Variants in GRIA1 observed in about 807,000 individuals in gnomAD.
The protein encoded by GRIA1 is glutamate receptor 1.
GRIA1 carries 31 observed loss-of-function variants against 99.2 expected under a neutral mutation model. The ratio of observed to expected loss-of-function variants is 0.31; its 90% CI spans 0.23 to 0.42. GRIA1 has a LOEUF of 0.42. GRIA1 is among the 10% of genes least tolerant of loss of function. The pLI is 1.00. For missense variants in GRIA1, 782 were observed against 1,157.5 expected, an observed-to-expected ratio of 0.68 and a Z score of 4.71; for synonymous variants, 438 against 432.4, an observed-to-expected ratio of 1.01 and a Z score of -0.16.
At position 153,542,236 on chromosome 5, in the gene GRIA1, C is replaced by T. The variant is rs572917256; in HGVS notation, c.220+48171C>T. On this transcript the variant is annotated intron_variant, in intron 2 of 15. Transcript: ENST00000285900. Reference sequence around the variant, plus strand: ...CCAGAAGGATATCCAAAGACAAACTCATTGTCTATAACACCAAGAGATAGA... The same window carrying T: ...CCAGAAGGATATCCAAAGACAAACTTATTGTCTATAACACCAAGAGATAGA... Among the ~76,000 whole-genome samples, 8 of 152,310 alleles carry T rather than the reference C, an allele frequency of 5.3e-5. No individual in the cohort carries two copies. The East Asian group carries it at 1.5e-3, about 29-fold the overall frequency.
At chr5:153,776,637 C>A (rs984688414) in intron 13 of GRIA1, among the ~76,000 whole-genome samples, 1 of 152,230 alleles carries the variant, frequency 6.6e-6, no homozygotes, top group Admixed American at 6.5e-5. Flanking sequence ...TTTAGCCTCA[C>A]TGGCATTCCC....
chr5:153,527,846 T>G (rs1244332664), intron 2 of GRIA1, among the ~76,000 whole-genome samples: 1 of 152,268 alleles, frequency 6.6e-6, no homozygotes, highest in African/African-American at 2.4e-5. Context: ...CTCAGTTCTG[T>G]GAGCAATTGC....
At chr5:153,626,696 C>T (rs1016096245) in intron 2 of GRIA1, among the ~76,000 whole-genome samples, 1 of 152,090 alleles carries the variant, frequency 6.6e-6, no homozygotes, top group Non-Finnish European at 1.5e-5. Context: ...GAAATAACAT[C>T]TCAGCACTGT....
intron 2 of GRIA1, among the ~76,000 whole-genome samples, chr5:153,580,010 A>G (rs1196148863): frequency 6.6e-6 from 1 of 152,186 alleles, no homozygotes; most frequent in East Asian, 1.9e-4. Context: ...CTCATGTCAC[A>G]TACAGGGAAA....
intron 2 of GRIA1, among the ~76,000 whole-genome samples, chr5:153,586,070 G>A (rs1763460045): frequency 6.6e-6 from 1 of 152,000 alleles, no homozygotes; most frequent in African/African-American, 2.4e-5. Flanking sequence ...TGATGTCACT[G>A]AATGAGAAGT....
intron 4 of GRIA1, among the ~76,000 whole-genome samples, chr5:153,655,157 A>G (rs2149463804): frequency 6.6e-6 from 1 of 152,330 alleles, no homozygotes; most frequent in South Asian, 2.1e-4. Context: ...TTGACTTCCT[A>G]TCTGTACAGT....
intron 2 of GRIA1, among the ~76,000 whole-genome samples, chr5:153,546,802 A>C (rs1759655927): frequency 6.6e-6 from 1 of 152,190 alleles, no homozygotes; most frequent in African/African-American, 2.4e-5. Flanking sequence ...CAGCACTTGG[A>C]CCAGTGCCTT....
chr5:153,663,513 C>T (rs1458379423), intron 5 of GRIA1, among the ~76,000 whole-genome samples: 1 of 152,202 alleles, frequency 6.6e-6, no homozygotes, highest in African/African-American at 2.4e-5. Context: ...TGTACCTCAG[C>T]TGTCTCACCT....
At chr5:153,740,454 C>G (rs1761700340) in intron 11 of GRIA1, among the ~76,000 whole-genome samples, 1 of 152,206 alleles carries the variant, frequency 6.6e-6, no homozygotes, top group Non-Finnish European at 1.5e-5. Flanking sequence ...TTCATAGTCA[C>G]AGCAGGGACG....
intron 11 of GRIA1, among the ~76,000 whole-genome samples, chr5:153,717,752 A>G (rs1759769166): frequency 6.6e-6 from 1 of 152,194 alleles, no homozygotes. Flanking sequence ...GTTAAGACTT[A>G]GTCCACCATG....
chr5:153,811,190 A>G lies in GRIA1; in HGVS notation c.2686A>G (p.Ser896Gly). ...GCAATCGATTCCTTGCATGAGCCAC[A>G]GTTCAGGGATGCCCTTGGGAGCCAC... ...SMQSIPCMSH[S>G]SGMPLGATGL Residue 896 changes from serine to glycine, a missense_variant, in exon 16 of 16, where the codon AGT becomes GGT. Ser to Gly is a moderately conservative substitution (Grantham distance 56). Transcript: ENST00000285900. 6.2e-7 allele frequency: 1 copy of G among 1,614,144 alleles called. No homozygotes were observed.
At chr5:153,605,465 T>G (rs1449344782) in intron 2 of GRIA1, among the ~76,000 whole-genome samples, 1 of 152,216 alleles carries the variant, frequency 6.6e-6, no homozygotes, top group Non-Finnish European at 1.5e-5. Context: ...TAAATATTCT[T>G]GTATATGTGT....
At chr5:153,545,956 T>A (rs561726013) in intron 2 of GRIA1, among the ~76,000 whole-genome samples, 2 of 152,294 alleles carry the variant, frequency 1.3e-5, no homozygotes, top group East Asian at 3.9e-4. Flanking sequence ...TCCTGAAACA[T>A]GTTCAATTTT....
At position 153,738,707 on chromosome 5, in the gene GRIA1, A is replaced by G. The variant is rs140980502; in HGVS notation, c.1824-25727A>G. ...TGGGCTCCTATAATGTTGCGTGTTC[A>G]TCTCCATACCTTCTTTTTTTTTTTT... is the stretch of plus-strand genomic sequence containing the variant. On this transcript the variant is annotated intron_variant, in intron 11 of 15. Coordinates refer to ENST00000285900, the MANE Select transcript of GRIA1 (RefSeq NM_000827.4). 9.7e-3 allele frequency among the ~76,000 whole-genome samples: 1,281 copies of G among 132,300 alleles called. 10 individuals carry two copies. The highest frequency in any genetic ancestry group is 0.019 in the Middle Eastern group (4 of 214). The allele number at this position is 132,300 out of a possible 152,430, so 86.8% of individuals were successfully genotyped here. A position where few individuals can be genotyped will look rare whatever the true frequency, so the allele number is the denominator to read the frequency against.
At chr5:153,751,487 T>C (rs1474261804) in intron 11 of GRIA1, among the ~76,000 whole-genome samples, 1 of 152,278 alleles carries the variant, frequency 6.6e-6, no homozygotes, top group Admixed American at 6.5e-5. Flanking sequence ...CAAGTGTTAC[T>C]GGAACACAGC....
chr5:153,698,792 T>A, intron 9 of GRIA1, 75 bp from the exon 10 acceptor site: 1 of 920,358 alleles, frequency 1.1e-6, no homozygotes. Context: ...CATGATATTA[T>A]GCTATGCCAA....
chr5:153,735,264 G>T (rs2149565003), intron 11 of GRIA1, among the ~76,000 whole-genome samples: 1 of 152,264 alleles, frequency 6.6e-6, no homozygotes, highest in Admixed American at 6.5e-5. Flanking sequence ...AGAAGAAAGG[G>T]GTTTATTCGG....
At chr5:153,657,035 C>T (rs1422264336) in intron 5 of GRIA1, among the ~76,000 whole-genome samples, 3 of 152,178 alleles carry the variant, frequency 2.0e-5, no homozygotes, top group Non-Finnish European at 2.9e-5. Context: ...TGTATCAGTA[C>T]TTGATTCCTT....
At chr5:153,656,870 C>T (rs1278049824) in intron 5 of GRIA1, among the ~76,000 whole-genome samples, 1 of 152,154 alleles carries the variant, frequency 6.6e-6, no homozygotes, top group Non-Finnish European at 1.5e-5. Flanking sequence ...CCCCTAAGCT[C>T]CTCCAGCCCT....
Sources: gnomAD v4.1 joint callset for allele counts (sites outside exome capture counted in the v4.1 genomes callset) on GRCh38, gnomAD v4.1.1 for gene constraint, MANE v1.5 for transcripts, NCBI Gene and HGNC (gene_info 2026-07-23, HGNC 2026-07-21) for gene names.